The following C14orf93 variants were observed in gnomAD, a reference collection of about 807,000 sequenced individuals.
C14orf93 encodes the protein chromosome 14 open reading frame 93, also known as uncharacterized protein C14orf93.
Under a neutral mutation model 44.0 loss-of-function variants are expected in C14orf93, and 23 were observed. That is an observed-to-expected ratio of 0.52 (90% CI 0.38 to 0.74). The LOEUF is 0.74. C14orf93 is among the 30% of genes least tolerant of loss of function. The pLI is 0.00. For missense variants in C14orf93, 579 were observed against 678.9 expected, an observed-to-expected ratio of 0.85 and a Z score of 1.64; for synonymous variants, 253 against 265.7, an observed-to-expected ratio of 0.95 and a Z score of 0.46.
At chr14:23,002,238 G>A (rs2046347103) in intron 1 of C14orf93, among the ~76,000 whole-genome samples, 1 of 151,534 alleles carries the variant, frequency 6.6e-6, no homozygotes, top group African/African-American at 2.4e-5. Context: ...ATAACTTGAC[G>A]TTAGGAGTTC....
chr14:22,989,561 G>A (rs1389036254), intron 5 of C14orf93, among the ~76,000 whole-genome samples, 181 bp downstream of exon 5: 1 of 152,106 alleles, frequency 6.6e-6, no homozygotes. Context: ...GAAATAAACA[G>A]GCAATTTGAG....
intron 3 of C14orf93, among the ~76,000 whole-genome samples, chr14:22,991,971 T>G (rs964076903): frequency 6.6e-5 from 10 of 152,090 alleles, no homozygotes; most frequent in Non-Finnish European, 5.9e-5. Context: ...ATCTCTGGAG[T>G]ATATACACCA....
chr14:23,006,953 C>G (rs1566702359), intron 1 of C14orf93: 1 of 152,378 alleles, frequency 6.6e-6, no homozygotes, highest in Non-Finnish European at 1.5e-5. Context: ...GGGTAGACTA[C>G]GTAGCCCCGA....
In C14orf93 at chr14:22,996,469, G is replaced by A. The variant is rs1276117003; in HGVS notation, c.598-201C>T. Among the ~76,000 whole-genome samples, 5 of 152,178 alleles carry A rather than the reference G, an allele frequency of 3.3e-5. No homozygotes were observed. The highest frequency in any genetic ancestry group is 7.4e-5 in the Non-Finnish European group (5 of 68,026). On this transcript the variant is annotated intron_variant, in intron 2 of 6. Coordinates refer to ENST00000299088, the MANE Select transcript of C14orf93 (RefSeq NM_021944.4). The surrounding 1 kb of genome is among the most constrained non-coding windows in gnomAD (Gnocchi z 4.1). ...TTCTTGTGTGTACAGGGCCTCTCATGTTGGGTTGTTACCATAGGGCTGCTC... is the reference window on the plus strand; with the variant it reads ...TTCTTGTGTGTACAGGGCCTCTCATATTGGGTTGTTACCATAGGGCTGCTC...
chr14:22,993,687 G>A (rs1338041605), intron 3 of C14orf93: 1 of 152,130 alleles, frequency 6.6e-6, no homozygotes, highest in Non-Finnish European at 1.5e-5. Context: ...TAAGTGTGAG[G>A]ACTGTAAAGG....
At chr14:22,991,859 C>A (rs1241502847) in intron 3 of C14orf93, among the ~76,000 whole-genome samples, 1 of 152,212 alleles carries the variant, frequency 6.6e-6, no homozygotes, top group Non-Finnish European at 1.5e-5. Context: ...CATGAGCCAC[C>A]GTGCCTGGCC....
At chr14:22,997,896 T>C (rs1367507881) in intron 2 of C14orf93, among the ~76,000 whole-genome samples, 1 of 151,864 alleles carries the variant, frequency 6.6e-6, no homozygotes, top group Non-Finnish European at 1.5e-5. Context: ...TTTTTTCACT[T>C]TTTCTCCTCC....
At chr14:23,004,169 A>C (rs753684436) in intron 1 of C14orf93, among the ~76,000 whole-genome samples, 9 of 149,540 alleles carry the variant, frequency 6.0e-5, no homozygotes, top group African/African-American at 2.2e-4. Flanking sequence ...CAGCCTCCCA[A>C]AGTGCTGAGA....
Position 22,996,945 on chromosome 14 carries a change from G to T in C14orf93, c.598-677C>A, listed in dbSNP as rs1265543756. 6.6e-6 allele frequency among the ~76,000 whole-genome samples: 1 copy of T among 151,956 alleles called. No individual in the cohort carries two copies. The highest frequency in any genetic ancestry group is 1.5e-5 in the Non-Finnish European group (1 of 68,016). On this transcript the variant is annotated intron_variant, in intron 2 of 6. Coordinates refer to ENST00000299088, the MANE Select transcript of C14orf93 (RefSeq NM_021944.4). This position sits in a 1 kb window ranked among gnomAD's most constrained non-coding sequence, Gnocchi z 4.1. ...AAGGAGGGGGGATTTCTGCAGTCAA[G>T]AAAACAAAATACTGAAAGTGGGGAC... is the stretch of plus-strand genomic sequence containing the variant.
At chr14:22,991,109 C>T (rs902515416) in intron 3 of C14orf93, among the ~76,000 whole-genome samples, 22 of 151,636 alleles carry the variant, frequency 1.5e-4, no homozygotes, top group African/African-American at 4.8e-4. Flanking sequence ...TAAGCCACTG[C>T]GCCCGGCCCC....
In C14orf93 at chr14:22,986,359, C is replaced by T. The variant is rs1170669346; in HGVS notation, c.*856G>A. The T allele has an allele frequency of 2.0e-5, 3 of 152,264 alleles. No homozygotes were observed. Among genetic ancestry groups the T allele is most frequent in the Non-Finnish European group, 4.4e-5 (3 of 68,080 alleles). The allele number at this position is 152,264 out of a possible 1,614,324, so 9.4% of individuals were successfully genotyped here. A position where few individuals can be genotyped will look rare whatever the true frequency, so the allele number is the denominator to read the frequency against. ...AAAAAAATCTCTGAACAGCATCCAACCTTATCAACAATGTATCCATAGCAC... is the reference window on the plus strand; with the variant it reads ...AAAAAAATCTCTGAACAGCATCCAATCTTATCAACAATGTATCCATAGCAC... On this transcript the variant is annotated 3_prime_UTR_variant, in exon 7 of 7. Transcript: ENST00000299088.
Position 22,989,961 on chromosome 14 carries a change from G to A in C14orf93, c.980+105C>T, listed in dbSNP as rs1049629145. The A allele has an allele frequency of 5.7e-6, 8 of 1,406,048 alleles. No homozygotes were observed. In the African/African-American group the frequency reaches 8.5e-5, roughly 15 times the overall value. The allele number at this position is 1,406,048 out of a possible 1,614,324, so 87.1% of individuals were successfully genotyped here. On this transcript the variant is annotated intron_variant, in intron 4 of 6. Transcript: ENST00000299088. Reference sequence around the variant, plus strand: ...ATCCCTCCACAGCCTAAGAAGGTATGGTGAGATCAAAGCCTTAGTCTCATT... The same window carrying A: ...ATCCCTCCACAGCCTAAGAAGGTATAGTGAGATCAAAGCCTTAGTCTCATT...
Position 22,989,770 on chromosome 14 carries a change from G to A in C14orf93, c.1056C>T (p.Pro352=). ...EKLKQELVTS[P]HNYTDKELKG... ...TTAGCTCCTTATCAGTGTAATTGTGGGGACTGGTCACCAGCTCTTGCTTGA... is the reference window on the plus strand; with the variant it reads ...TTAGCTCCTTATCAGTGTAATTGTGAGGACTGGTCACCAGCTCTTGCTTGA... The change falls in exon 5 of 7, where the codon CCC becomes CCT. Residue 352 remains proline, a synonymous_variant. Coordinates refer to ENST00000299088, the MANE Select transcript of C14orf93 (RefSeq NM_021944.4). 2 of 1,613,864 alleles carry A rather than the reference G, an allele frequency of 1.2e-6. No homozygotes were observed. Among genetic ancestry groups the A allele is most frequent in the East Asian group, 4.5e-5 (2 of 44,876 alleles).
At chr14:23,006,852 G>C (rs572451921) in intron 1 of C14orf93, 10 of 152,470 alleles carry the variant, frequency 6.6e-5, no homozygotes, top group Admixed American at 2.6e-4. Context: ...TGCGCTCTGG[G>C]AGTCCCGGGT....
intron 3 of C14orf93, among the ~76,000 whole-genome samples, 166 bp from the exon 4 acceptor site, chr14:22,990,293 CTT>C (rs932301299): frequency 6.6e-6 from 1 of 152,172 alleles, no homozygotes; most frequent in African/African-American, 2.4e-5. Flanking sequence ...TCTTCCCTGA[CTT>C]TTCATTTCAT....
chr14:22,989,012 C>G (rs1204639456), intron 5 of C14orf93, among the ~76,000 whole-genome samples: 1 of 152,114 alleles, frequency 6.6e-6, no homozygotes, highest in East Asian at 1.9e-4. Flanking sequence ...TTCGTTGAAA[C>G]AAGGTTTGCC....
chr14:23,003,888 ATATATATATATTTTTTTTTTTT>A (rs1398066906), intron 1 of C14orf93, among the ~76,000 whole-genome samples: 2 of 15,748 alleles, frequency 1.3e-4, no homozygotes, highest in Non-Finnish European at 2.0e-4. Context: ...ATATATATAT[ATATATATATATTTTTTTTTTTT>A]TTTTTTTTTT....
chr14:22,998,344 T>TGGAAAGAAAAGAACAGAAAGG, intron 2 of C14orf93, 83 bp downstream of exon 2: 1 of 1,422,886 alleles, frequency 7.0e-7, no homozygotes, highest in South Asian at 1.6e-5. Flanking sequence ...GGTTTAAAGA[T>TGGAAAGAAAAGAACAGAAAGG]GGAAAGAAAA....
chr14:23,009,646 G>A (rs2046784979), intron 1 of C14orf93, among the ~76,000 whole-genome samples: 1 of 108,826 alleles, frequency 9.2e-6, no homozygotes, highest in Non-Finnish European at 1.8e-5. Flanking sequence ...ACTTGGTTTT[G>A]GTTCTGGGGG....
Sources: gnomAD v4.1 joint callset for allele counts (sites outside exome capture counted in the v4.1 genomes callset) on GRCh38, gnomAD v4.1.1 for gene constraint, Gnocchi (gnomAD v3.1) non-coding constraint, MANE v1.5 for transcripts, NCBI Gene and HGNC (gene_info 2026-07-23, HGNC 2026-07-21) for gene names.